CDC23: variants seen among roughly 807,000 people sequenced by gnomAD.
The protein encoded by CDC23 is cell division cycle protein 23 homolog.
CDC23 carries 26 observed loss-of-function variants against 81.7 expected under a neutral mutation model. The observed-to-expected ratio is 0.32, with a 90% CI of 0.23 to 0.44. The LOEUF is 0.44. Among genes scored for constraint, CDC23 ranks in the 20% least tolerant of loss-of-function variants. The pLI, the probability that CDC23 is intolerant of heterozygous loss-of-function variation, is 1.00. For synonymous variants in CDC23, 267 were observed against 270.8 expected (o/e 0.99, Z 0.14); for missense variants, 519 against 728.0 (o/e 0.71, Z 3.30).
At position 138,189,029 on chromosome 5, in the gene CDC23, A is replaced by G. The variant is rs770559625; in HGVS notation, c.1743T>C (p.Asn581=). The G allele has an allele frequency of 6.8e-6, 11 of 1,614,100 alleles. No individual in the cohort carries two copies. The highest frequency in any genetic ancestry group is 9.3e-6 in the Non-Finnish European group (11 of 1,180,012). The change falls in exon 16 of 16, where the codon AAT becomes AAC. Residue 581 remains asparagine, a synonymous_variant. Coordinates refer to ENST00000394886, the MANE Select transcript of CDC23 (RefSeq NM_004661.4). The part of the protein sequence containing the change: ...FFLPASLSAN[N]TPTRRVSPLN... ...GTGGAGAAACTCTGCGTGTGGGGGT[A>G]TTGTTAGCAGAGAGTGAAGCAGGTA...
rs1561633978 is a variant in CDC23, at chr5:138,195,593, ATATATT to A, written c.1012+2600_1012+2605del. 1.8e-3 allele frequency among the ~76,000 whole-genome samples: 210 copies of A among 114,984 alleles called. 1 individual carries two copies. The highest frequency in any genetic ancestry group is 7.6e-3 in the Middle Eastern group (2 of 262). The allele number at this position is 114,984 out of a possible 152,430, so 75.4% of individuals were successfully genotyped here. Reference sequence around the variant, plus strand: ...TTATATATAATATATTATATATAATATATATTATATATGATATATTTATATATAAAT... The same window carrying A: ...TTATATATAATATATTATATATAATAATATATGATATATTTATATATAAAT... On this transcript the variant is annotated intron_variant, in intron 9 of 15. Transcript: ENST00000394886.
chr5:138,198,877 T>C, intron 6 of CDC23, 95 bp from the exon 7 acceptor site: 1 of 1,305,940 alleles, frequency 7.7e-7, no homozygotes. Context: ...AAGGAATTTA[T>C]CACTAAAATT....
chr5:138,198,538 T>C lies in CDC23; in HGVS notation c.833-15A>G, dbSNP rs1490642503. 22 of 1,613,266 alleles carry C rather than the reference T, an allele frequency of 1.4e-5. No individual in the cohort carries two copies. The highest frequency in any genetic ancestry group is 1.8e-5 in the Non-Finnish European group (21 of 1,179,324). ...TTTGTCAATATCTGCAGAAAGAAGA[T>C]AGTTCAGAAAACAGCACAATGCACC... On this transcript the variant is annotated splice_polypyrimidine_tract_variant and intron_variant, in intron 7 of 15. Coordinates refer to ENST00000394886, the MANE Select transcript of CDC23 (RefSeq NM_004661.4).
At chr5:138,202,249 C>T (rs1754997601) in intron 3 of CDC23, 94 bp from the exon 4 acceptor site, 2 of 835,672 alleles carry the variant, frequency 2.4e-6, no homozygotes, top group Admixed American at 2.6e-5. Context: ...GGGCCAAGTT[C>T]AACCAAAATG....
At chr5:138,200,821 A>G in intron 6 of CDC23, 1 of 316,056 alleles carries the variant, frequency 3.2e-6, no homozygotes, top group Non-Finnish European at 5.8e-6. Context: ...CTCCGTCTCA[A>G]ACAAAAACAA....
At chr5:138,191,666 G>A in intron 12 of CDC23, 131 bp from the exon 13 acceptor site, 1 of 988,708 alleles carries the variant, frequency 1.0e-6, no homozygotes, top group Non-Finnish European at 1.6e-6. Flanking sequence ...TACTAGTTCT[G>A]ATAGGTCTAG....
intron 6 of CDC23, among the ~76,000 whole-genome samples, chr5:138,200,735 G>T (rs890583991): frequency 2.0e-5 from 3 of 152,120 alleles, no homozygotes; most frequent in African/African-American, 4.8e-5. Flanking sequence ...CAGAAGAATT[G>T]CTTGAACCTG....
At chr5:138,195,801 GTA>G (rs1333959284) in intron 9 of CDC23, among the ~76,000 whole-genome samples, 2 of 120,186 alleles carry the variant, frequency 1.7e-5, no homozygotes, top group Non-Finnish European at 3.3e-5. Context: ...TTATATATGT[GTA>G]TATATATACA....
At chr5:138,199,617 A>T (rs748381690) in intron 6 of CDC23, among the ~76,000 whole-genome samples, 7 of 152,262 alleles carry the variant, frequency 4.6e-5, no homozygotes, top group Non-Finnish European at 8.8e-5. Context: ...AACTATGGTT[A>T]TGTCTCATGA....
rs1754990485 is a variant in CDC23, at chr5:138,201,597, T to C, written c.416-149A>G. ...CCTGGGCTCAAGTGATCCTTCCGCC[T>C]CAGACTCCCAAAGTGCTGGGATTAT... On this transcript the variant is annotated intron_variant, in intron 4 of 15. Coordinates refer to ENST00000394886, the MANE Select transcript of CDC23 (RefSeq NM_004661.4). 4 of 597,566 alleles carry C rather than the reference T, an allele frequency of 6.7e-6. No homozygotes were observed. The Admixed American group carries it at 1.0e-4, about 15-fold the overall frequency. 37.0% of individuals were successfully genotyped at this position (597,566 alleles called of 1,614,324 possible).
Position 138,191,640 on chromosome 5 carries a change from G to C in CDC23, c.1363-105C>G, listed in dbSNP as rs561418205. The C allele has an allele frequency of 4.9e-4, 566 of 1,147,870 alleles. 11 individuals carry two copies. The highest frequency in any genetic ancestry group is 4.6e-3 in the South Asian group (371 of 81,200). 71.1% of individuals were successfully genotyped at this position (1,147,870 alleles called of 1,614,324 possible). A position where few individuals can be genotyped will look rare whatever the true frequency, so the allele number is the denominator to read the frequency against. On this transcript the variant is annotated intron_variant, in intron 12 of 15. Transcript: ENST00000394886. Reference sequence around the variant, plus strand: ...AGCCTCCCAGAAGTTCAGATTTATAGAATGCAAGACATTTTTACTAGTTCT... The same window carrying C: ...AGCCTCCCAGAAGTTCAGATTTATACAATGCAAGACATTTTTACTAGTTCT...
rs1039942297 is a variant in CDC23 at position 138,188,842 on chromosome 5, A to G, written c.*136T>C. The G allele has an allele frequency of 1.4e-6, 1 of 715,588 alleles. No homozygotes were observed. The highest frequency in any genetic ancestry group is 1.8e-5 in the African/African-American group (1 of 54,946). 44.3% of individuals were successfully genotyped at this position (715,588 alleles called of 1,614,324 possible). ...GTTGGCCTCTGAAGGTAATTATACA[A>G]GCTGTCCCTATGGAGCTGTTGCCAT... On this transcript the variant is annotated 3_prime_UTR_variant, in exon 16 of 16. Coordinates refer to ENST00000394886, the MANE Select transcript of CDC23 (RefSeq NM_004661.4).
At chr5:138,194,107 A>T (rs1336194439) in intron 9 of CDC23, among the ~76,000 whole-genome samples, 1 of 152,238 alleles carries the variant, frequency 6.6e-6, no homozygotes, top group African/African-American at 2.4e-5. Flanking sequence ...TGGTGAATAA[A>T]CAAAATGTGG....
rs184726947 is a variant in CDC23 at position 138,196,705 on chromosome 5, C to T, written c.1012+1494G>A. ...ACACCATTCTCCTGCCTCAGCCTCC[C>T]GAGTAGCTTGGACTACAGGCGCCCG... On this transcript the variant is annotated intron_variant, in intron 9 of 15. Coordinates refer to ENST00000394886, the MANE Select transcript of CDC23 (RefSeq NM_004661.4). Among the ~76,000 whole-genome samples the T allele has an allele frequency of 9.2e-5, 14 of 151,786 alleles. No homozygotes were observed. The East Asian group carries it at 1.6e-3, about 17-fold the overall frequency.
chr5:138,189,342 G>C (rs144326715), intron 15 of CDC23, among the ~76,000 whole-genome samples, 194 bp from the exon 16 acceptor site: 3 of 151,260 alleles, frequency 2.0e-5, no homozygotes, highest in African/African-American at 7.3e-5. Flanking sequence ...CTGCAGCCTC[G>C]ACCTCACTGC....
chr5:138,199,610 T>C (rs1754962920), intron 6 of CDC23, among the ~76,000 whole-genome samples: 1 of 152,142 alleles, frequency 6.6e-6, no homozygotes, highest in Non-Finnish European at 1.5e-5. Context: ...AGAAAGTAAC[T>C]ATGGTTATGT....
At chr5:138,202,182 C>G (rs1561636271) in intron 3 of CDC23, 27 bp from the exon 4 acceptor site, 1 of 1,576,752 alleles carries the variant, frequency 6.3e-7, no homozygotes, top group Non-Finnish European at 8.7e-7. Flanking sequence ...ACAAATAGGT[C>G]TTTTTTCAGT....
chr5:138,212,896 A>G, intron 2 of CDC23, 95 bp downstream of exon 2: 1 of 932,636 alleles, frequency 1.1e-6, no homozygotes. Flanking sequence ...CATTTCTGCT[A>G]AGCAGTTTGC....
chr5:138,205,744 A>C (rs939814471), intron 3 of CDC23: 1 of 152,044 alleles, frequency 6.6e-6, no homozygotes, highest in Non-Finnish European at 1.5e-5. Flanking sequence ...CCATAACTGC[A>C]AGAATTTACC....
Sources: gnomAD v4.1 joint callset for allele counts (sites outside exome capture counted in the v4.1 genomes callset) on GRCh38, gnomAD v4.1.1 for gene constraint, MANE v1.5 for transcripts, NCBI Gene and HGNC (gene_info 2026-07-23, HGNC 2026-07-21) for gene names.